PCDH15: variants seen among roughly 807,000 people sequenced by gnomAD.
PCDH15 encodes protocadherin related 15.
PCDH15 carries 129 observed loss-of-function variants against 178.5 expected under a neutral mutation model. The observed-to-expected ratio is 0.72, with a 90% CI of 0.63 to 0.84. PCDH15 has a LOEUF of 0.84. Ranked by LOEUF, PCDH15 falls within the 40% of genes least tolerant of loss-of-function variation. The pLI is 0.00. For synonymous variants in PCDH15, 800 were observed against 732.0 expected (o/e 1.09, Z -1.50); for missense variants, 2,230 against 2,099.9 (o/e 1.06, Z -1.21).
chr10:55,369,420 A>G (rs992537984), intron 2 of PCDH15, among the ~76,000 whole-genome samples: 6 of 152,036 alleles, frequency 3.9e-5, no homozygotes, highest in Admixed American at 1.3e-4. Flanking sequence ...TGGCAAGACT[A>G]GATGCTATTA....
intron 23 of PCDH15, among the ~76,000 whole-genome samples, chr10:53,952,879 A>C (rs1374417729): frequency 6.6e-6 from 1 of 152,250 alleles, no homozygotes; most frequent in Non-Finnish European, 1.5e-5. Context: ...GGTGGTGACA[A>C]TGCTCGGGGC....
intron 1 of PCDH15, among the ~76,000 whole-genome samples, chr10:55,240,960 T>C (rs1022938031): frequency 6.6e-6 from 1 of 152,196 alleles, no homozygotes; most frequent in Admixed American, 6.5e-5. Flanking sequence ...CTCAGGCCTG[T>C]AATCCCAGCA....
chr10:54,120,936 T>C (rs1352641129), intron 15 of PCDH15, among the ~76,000 whole-genome samples: 1 of 152,070 alleles, frequency 6.6e-6, no homozygotes, highest in Non-Finnish European at 1.5e-5. Context: ...CTTGAGCAAC[T>C]GGATCCAATA....
At chr10:53,959,455 G>T (rs1475711796) in intron 23 of PCDH15, among the ~76,000 whole-genome samples, 2 of 151,894 alleles carry the variant, frequency 1.3e-5, no homozygotes, top group African/African-American at 4.8e-5. Flanking sequence ...TCATTAATTA[G>T]AATTGAAACC....
At chr10:54,832,067 T>C (rs1316121355) in intron 3 of PCDH15, among the ~76,000 whole-genome samples, 3 of 152,298 alleles carry the variant, frequency 2.0e-5, no homozygotes, top group East Asian at 1.9e-4. Flanking sequence ...AGTTTTTCTA[T>C]TGCCTTTGAA....
chr10:55,314,309 A>G (rs1183939272), intron 1 of PCDH15, among the ~76,000 whole-genome samples: 1 of 151,134 alleles, frequency 6.6e-6, no homozygotes, highest in Non-Finnish European at 1.5e-5. Context: ...CTCTTTATAC[A>G]TTTTCTCTAA....
intron 11 of PCDH15, among the ~76,000 whole-genome samples, chr10:54,194,650 C>CTCTATCTATCTATCTA (rs58429895): frequency 0.012 from 1,741 of 147,984 alleles, 18 homozygotes; most frequent in East Asian, 0.039. Flanking sequence ...GTGTATATAT[C>CTCTATCTATCTATCTA]TCTATCTATC....
intron 18 of PCDH15, among the ~76,000 whole-genome samples, chr10:54,061,494 A>G (rs1271316786): frequency 6.6e-6 from 1 of 151,928 alleles, no homozygotes; most frequent in Non-Finnish European, 1.5e-5. Flanking sequence ...TATATTTCAT[A>G]TTACATTTTT....
chr10:53,991,279 T>G (rs1424562704), intron 21 of PCDH15, among the ~76,000 whole-genome samples: 1 of 152,116 alleles, frequency 6.6e-6, no homozygotes, highest in African/African-American at 2.4e-5. Flanking sequence ...GGCTCCTGAG[T>G]CTGGTGGGGA....
intron 3 of PCDH15, among the ~76,000 whole-genome samples, chr10:54,494,229 A>G (rs982664588): frequency 1.3e-5 from 2 of 151,674 alleles, no homozygotes; most frequent in Non-Finnish European, 2.9e-5. Context: ...TAAAAGTATA[A>G]TAATAAAATA....
intron 2 of PCDH15, among the ~76,000 whole-genome samples, chr10:55,529,046 T>C (rs1417451231): frequency 6.6e-6 from 1 of 152,192 alleles, no homozygotes; most frequent in African/African-American, 2.4e-5. Context: ...TGTCTGTTCA[T>C]ATCCTTTGCC....
intron 2 of PCDH15, among the ~76,000 whole-genome samples, chr10:55,555,896 C>T (rs1277562438): frequency 6.6e-6 from 1 of 152,224 alleles, no homozygotes; most frequent in South Asian, 2.1e-4. Context: ...TTCCTCCCCA[C>T]AATTTGCCTG....
chr10:53,807,303 C>A (rs1489315871), intron 37 of PCDH15, among the ~76,000 whole-genome samples, 173 bp from the exon 38 acceptor site: 2 of 152,030 alleles, frequency 1.3e-5, no homozygotes, highest in African/African-American at 4.8e-5. Flanking sequence ...TTCATCAATC[C>A]TTTATTGGCT....
Position 55,453,240 on chromosome 10 carries a change from A to G in PCDH15, c.-156+174385T>C, listed in dbSNP as rs553507114. Among the ~76,000 whole-genome samples, 5 of 152,254 alleles carry G rather than the reference A, an allele frequency of 3.3e-5. No individual in the cohort carries two copies. In the South Asian group the frequency reaches 1.0e-3, roughly 32 times the overall value. Reference sequence around the variant, plus strand: ...ATGTTGGGACATCACATGTGAAAATACAAGATCATCAGCAAGAGGATAGGT... The same window carrying G: ...ATGTTGGGACATCACATGTGAAAATGCAAGATCATCAGCAAGAGGATAGGT... On this transcript the variant is annotated intron_variant, in intron 2 of 5. Transcript: ENST00000613346.
intron 2 of PCDH15, among the ~76,000 whole-genome samples, chr10:55,471,645 C>T (rs1839957437): frequency 6.6e-6 from 1 of 152,174 alleles, no homozygotes; most frequent in Admixed American, 6.5e-5. Context: ...AAGTGATCCA[C>T]CTGCCTCGGT....
intron 2 of PCDH15, among the ~76,000 whole-genome samples, chr10:55,336,612 T>G (rs2132317214): frequency 6.6e-6 from 1 of 152,306 alleles, no homozygotes; most frequent in East Asian, 1.9e-4. Flanking sequence ...GAAAGTAATG[T>G]CCTTATTTCT....
At chr10:53,818,642 G>A (rs1292939563) in intron 33 of PCDH15, among the ~76,000 whole-genome samples, 4 of 152,032 alleles carry the variant, frequency 2.6e-5, no homozygotes, top group Non-Finnish European at 5.9e-5. Flanking sequence ...ACAAGATGGT[G>A]AAACGTTTGA....
intron 2 of PCDH15, among the ~76,000 whole-genome samples, chr10:55,149,166 T>G (rs1442884677): frequency 7.8e-6 from 1 of 127,786 alleles, no homozygotes; most frequent in Non-Finnish European, 1.8e-5. Flanking sequence ...TATAATAACT[T>G]AAATGACAGA....
At chr10:54,975,887 T>C (rs1229499205) in intron 2 of PCDH15, among the ~76,000 whole-genome samples, 2 of 152,168 alleles carry the variant, frequency 1.3e-5, no homozygotes, top group Non-Finnish European at 2.9e-5. Context: ...AATCCCTGAA[T>C]GACTAAAATT....
Sources: gnomAD v4.1 joint callset for allele counts (sites outside exome capture counted in the v4.1 genomes callset) on GRCh38, gnomAD v4.1.1 for gene constraint, MANE v1.5 for transcripts, NCBI Gene and HGNC (gene_info 2026-07-23, HGNC 2026-07-21) for gene names.